Variants in DNAH2 observed in about 807,000 individuals in gnomAD.
DNAH2 encodes the protein dynein axonemal heavy chain 2.
In DNAH2, 323 loss-of-function variants were observed where a neutral mutation model predicts 523.5. That is an observed-to-expected ratio of 0.62 (90% CI 0.56 to 0.68). The LOEUF (loss-of-function observed/expected upper bound fraction) is 0.68, where lower values mean the gene tolerates loss of function less well. DNAH2 is among the 30% of genes least tolerant of loss of function. DNAH2 has a pLI of 0.00. For synonymous variants in DNAH2, 2,093 were observed against 2,177.4 expected (o/e 0.96, Z 1.08); for missense variants, 4,907 against 5,701.5 (o/e 0.86, Z 4.49).
intron 7 of DNAH2, among the ~76,000 whole-genome samples, 185 bp from the exon 8 acceptor site, chr17:7,736,882 T>C (rs1025823869): frequency 6.6e-6 from 1 of 152,184 alleles, no homozygotes; most frequent in African/African-American, 2.4e-5. Flanking sequence ...CTTGGGAGGC[T>C]GAGGCAGGAG....
intron 56 of DNAH2, among the ~76,000 whole-genome samples, chr17:7,801,116 A>G (rs2077211062): frequency 6.6e-6 from 1 of 151,988 alleles, no homozygotes; most frequent in Non-Finnish European, 1.5e-5. Context: ...CAAGGAAGCC[A>G]CCTGCCTTGG....
chr17:7,731,170 G>T (rs115475112), intron 4 of DNAH2, among the ~76,000 whole-genome samples: 1,850 of 148,316 alleles, frequency 0.012, 47 homozygotes, highest in African/African-American at 0.041. Flanking sequence ...AAAAGAAAAA[G>T]AAAATCAATG....
rs766823892 is a variant in DNAH2 at position 7,727,199 on chromosome 17, G to A, written c.306G>A (p.Leu102=). Residue 102 remains leucine (L), a synonymous_variant, in exon 4 of 86, where the codon CTG becomes CTA. Transcript: ENST00000572933. ...GGACACAGGAGCATGATGCCATTCT[G>A]GAACACTTTGCCCAGGACCCTACAG... ...AVWTQEHDAI[L]EHFAQDPTES... The A allele has an allele frequency of 9.3e-6, 15 of 1,608,566 alleles. No individual in the cohort carries two copies. Among genetic ancestry groups the A allele is most frequent in the African/African-American group, 2.7e-5 (2 of 74,602 alleles).
intron 28 of DNAH2, 48 bp from the exon 29 acceptor site, chr17:7,774,711 C>T: frequency 5.1e-6 from 8 of 1,559,908 alleles, no homozygotes; most frequent in Non-Finnish European, 7.0e-6. Flanking sequence ...CAGATCCGCC[C>T]AGGGCAGTGG....
chr17:7,777,900 A>G (rs1232656295), intron 33 of DNAH2, among the ~76,000 whole-genome samples, 177 bp from the exon 34 acceptor site: 4 of 152,162 alleles, frequency 2.6e-5, no homozygotes, highest in Admixed American at 2.6e-4. Flanking sequence ...GATGTGCAAC[A>G]TGAAACCCAT....
chr17:7,738,876 T>C, intron 8 of DNAH2: 3 of 689,342 alleles, frequency 4.4e-6, no homozygotes, highest in South Asian at 3.0e-5. Context: ...TAGGTTTGCA[T>C]AGCCAGACTG....
At chr17:7,818,802 TG>T in intron 70 of DNAH2, 26 bp downstream of exon 70, 1 of 1,613,646 alleles carries the variant, frequency 6.2e-7, no homozygotes, top group Non-Finnish European at 8.5e-7. Context: ...CCCCTCCCAC[TG>T]CCCCACGGGT....
chr17:7,778,252 T>C, intron 34 of DNAH2, 28 bp from the exon 35 acceptor site: 1 of 1,614,064 alleles, frequency 6.2e-7, no homozygotes, highest in Non-Finnish European at 8.5e-7. Flanking sequence ...TCCAGGAGTC[T>C]GACTCTAGTT....
At chr17:7,747,918 C>T (rs1422655310) in intron 12 of DNAH2, among the ~76,000 whole-genome samples, 1 of 152,200 alleles carries the variant, frequency 6.6e-6, no homozygotes, top group Non-Finnish European at 1.5e-5. Flanking sequence ...GCTTCCAAAA[C>T]TTATTAACAC....
chr17:7,778,733 G>T (rs748633295), intron 35 of DNAH2, among the ~76,000 whole-genome samples: 1 of 151,972 alleles, frequency 6.6e-6, no homozygotes, highest in Non-Finnish European at 1.5e-5. Flanking sequence ...CAAGCCCGGA[G>T]AATTTTTGTA....
At chr17:7,725,440 A>ATATTTTTTTTTTTTT (rs958458949) in intron 3 of DNAH2, among the ~76,000 whole-genome samples, 1 of 130,506 alleles carries the variant, frequency 7.7e-6, no homozygotes, top group East Asian at 2.9e-4. Context: ...ATATATATAT[A>ATATTTTTTTTTTTTT]TTTTCTTTTT....
chr17:7,764,013 T>A lies in DNAH2; in HGVS notation c.3161T>A (p.Leu1054Gln), dbSNP rs1350579405. 1 of 1,613,982 alleles carries A rather than the reference T, an allele frequency of 6.2e-7. No homozygotes were observed. Among genetic ancestry groups the A allele is most frequent in the Non-Finnish European group, 8.5e-7 (1 of 1,180,018 alleles). ...AGRLLELHTY[L>Q]KENAEKISRP... ...CGCCTCCTGGAGCTGCACACCTACC[T>A]GAAGGAGAACGCAGAGAAGTGCGGG... Residue 1054 changes from leucine (L) to glutamine (Q), a missense_variant, in exon 19 of 86, where the codon CTG (leucine) becomes CAG (glutamine). Coordinates refer to ENST00000572933, the MANE Select transcript of DNAH2 (RefSeq NM_020877.5).
rs150754871 is a variant in DNAH2 at position 7,780,712 on chromosome 17, G to A, written c.5933G>A (p.Arg1978His). Residue 1978 changes from arginine (R) to histidine (H), a missense_variant, in exon 38 of 86, where the codon CGT becomes CAT. Physicochemically the swap from Arg to His is conservative, Grantham distance 29. Coordinates refer to ENST00000572933, the MANE Select transcript of DNAH2 (RefSeq NM_020877.5). This position sits in a 1 kb window ranked among gnomAD's most constrained non-coding sequence, Gnocchi z 4.4. ...CAGGACCACTATGACTTTGGCCTGC[G>A]TGCCCTCACCTCCCTTCTGCGCTAT... ...SRQDHYDFGL[R>H]ALTSLLRYAG... The A allele has an allele frequency of 8.1e-5, 131 of 1,614,090 alleles. No individual in the cohort carries two copies. Among genetic ancestry groups the A allele is most frequent in the Non-Finnish European group, 1.0e-4 (118 of 1,180,052 alleles).
intron 12 of DNAH2, among the ~76,000 whole-genome samples, chr17:7,748,661 A>T (rs1597520013): frequency 6.6e-6 from 1 of 151,638 alleles, no homozygotes; most frequent in East Asian, 1.9e-4. Context: ...TGCCCAGCTA[A>T]TTTTTTCTAT....
At chr17:7,810,766 C>T (rs1042104866) in intron 63 of DNAH2, among the ~76,000 whole-genome samples, 1 of 152,154 alleles carries the variant, frequency 6.6e-6, no homozygotes, top group Admixed American at 6.5e-5. Flanking sequence ...GTAAGAATCC[C>T]TGGCAGAGCC....
chr17:7,742,883 G>GAATCATTAAAAA, intron 11 of DNAH2, 45 bp from the exon 12 acceptor site: 2 of 1,323,124 alleles, frequency 1.5e-6, no homozygotes, highest in Non-Finnish European at 9.8e-7. Context: ...GCCCCTGGAG[G>GAATCATTAAAAA]AAGGTGGCAG....
At chr17:7,724,478 G>A (rs78687907) in intron 3 of DNAH2, among the ~76,000 whole-genome samples, 27,948 of 151,798 alleles carry the variant, frequency 0.18, 3,255 homozygotes, top group East Asian at 0.35. Flanking sequence ...AATTAGCAGG[G>A]TGTGGTGGCG....
chr17:7,733,541 G>A (rs760228925), intron 5 of DNAH2, among the ~76,000 whole-genome samples: 3 of 146,984 alleles, frequency 2.0e-5, no homozygotes, highest in African/African-American at 5.0e-5. Flanking sequence ...GCAATGGCGC[G>A]ATCTTGGCTC....
chr17:7,783,155 G>A (rs1567690712), intron 39 of DNAH2, among the ~76,000 whole-genome samples: 1 of 152,072 alleles, frequency 6.6e-6, no homozygotes, highest in Non-Finnish European at 1.5e-5. Flanking sequence ...TTGGCTCACC[G>A]CAACCTCCGC....
Sources: gnomAD v4.1 joint callset for allele counts (sites outside exome capture counted in the v4.1 genomes callset) on GRCh38, gnomAD v4.1.1 for gene constraint, Gnocchi (gnomAD v3.1) non-coding constraint, MANE v1.5 for transcripts, NCBI Gene and HGNC (gene_info 2026-07-23, HGNC 2026-07-21) for gene names.